Variants in RERGL observed in about 807,000 individuals in gnomAD.
RERGL encodes the protein ras-related and estrogen-regulated growth inhibitor-like protein.
Under a neutral mutation model 24.7 loss-of-function variants are expected in RERGL, and 22 were observed. The ratio of observed to expected loss-of-function variants is 0.89; its 90% confidence interval spans 0.64 to 1.27. The LOEUF is 1.27. RERGL is among the 50% of genes most tolerant of loss of function. The pLI is 0.00. For synonymous variants in RERGL, 76 were observed against 82.6 expected (o/e 0.92, Z 0.43); for missense variants, 259 against 235.3 (o/e 1.10, Z -0.66).
chr12:18,089,310 T>C (rs1173440110), intron 1 of RERGL: 3 of 1,584,664 alleles, frequency 1.9e-6, no homozygotes, highest in Admixed American at 3.6e-5. Context: ...TCAAACTCAG[T>C]CTGGCTTCAA....
At chr12:18,084,922 T>C (rs542469177) in intron 3 of RERGL, among the ~76,000 whole-genome samples, 1 of 152,314 alleles carries the variant, frequency 6.6e-6, no homozygotes, top group East Asian at 1.9e-4. Context: ...ATCTCCACTT[T>C]TTCAGAAAAT....
At chr12:18,081,772 C>T (rs931714612) in intron 4 of RERGL, among the ~76,000 whole-genome samples, 2 of 152,046 alleles carry the variant, frequency 1.3e-5, no homozygotes, top group African/African-American at 2.4e-5. Flanking sequence ...ATGATTGTTA[C>T]CTTTTCCACT....
intron 2 of RERGL, among the ~76,000 whole-genome samples, chr12:18,088,554 A>AT (rs1413382322): frequency 1.3e-5 from 2 of 151,938 alleles, no homozygotes; most frequent in South Asian, 2.1e-4. Context: ...ATTTTCTCTT[A>AT]TTTTTTAAAG....
At chr12:18,081,547 A>G in intron 4 of RERGL, 74 bp from the exon 5 acceptor site, 1 of 1,226,308 alleles carries the variant, frequency 8.2e-7, no homozygotes, top group Non-Finnish European at 1.1e-6. Context: ...AAAAAAACAG[A>G]TTTATAACCA....
chr12:18,089,449 T>G, intron 1 of RERGL: 3 of 1,162,298 alleles, frequency 2.6e-6, no homozygotes, highest in Non-Finnish European at 3.4e-6. Context: ...AGCTCCTGGG[T>G]TTGGCCAGTT....
intron 4 of RERGL, among the ~76,000 whole-genome samples, chr12:18,082,819 G>A (rs1189501320): frequency 6.6e-6 from 1 of 152,140 alleles, no homozygotes; most frequent in Non-Finnish European, 1.5e-5. Context: ...TCATGGACTT[G>A]TCCAACTCTC....
chr12:18,083,705 T>A (rs905398337), intron 4 of RERGL, among the ~76,000 whole-genome samples: 2 of 152,132 alleles, frequency 1.3e-5, no homozygotes, highest in Non-Finnish European at 2.9e-5. Context: ...AAAATAGTTA[T>A]TAAAAGTACA....
chr12:18,081,526 TTAAAA>T, intron 4 of RERGL, 53 bp from the exon 5 acceptor site: 4 of 1,011,762 alleles, frequency 4.0e-6, no homozygotes, highest in Non-Finnish European at 4.0e-6. Flanking sequence ...ACTCTTTTTT[TTAAAA>T]AAAAAAAAAA....
Position 18,081,141 on chromosome 12 carries a change from G to A in RERGL, c.*50C>T, listed in dbSNP as rs1242350435. 2.0e-6 allele frequency: 3 copies of A among 1,495,434 alleles called. No homozygotes were observed. Among genetic ancestry groups the A allele is most frequent in the Non-Finnish European group, 2.7e-6 (3 of 1,109,286 alleles). 92.6% of individuals were successfully genotyped at this position (1,495,434 alleles called of 1,614,324 possible). On this transcript the variant is annotated 3_prime_UTR_variant, in exon 5 of 5. Transcript: ENST00000538724. ...ACAAAGGTTAGTTTAATTATCATGT[G>A]AATGTTTGAAACTCTCTGATATAGG...
Position 18,081,283 on chromosome 12 carries a change from A to G in RERGL, c.523T>C (p.Phe175Leu). The G allele has an allele frequency of 6.2e-7, 1 of 1,613,634 alleles. No individual in the cohort carries two copies. Among genetic ancestry groups the G allele is most frequent in the Admixed American group, 1.7e-5 (1 of 60,014 alleles). The change falls in exon 5 of 5, where the codon TTC becomes CTC. Residue 175 changes from phenylalanine (F) to leucine (L), a missense_variant. Transcript: ENST00000538724. ...IRIIKDILINFKLKEKRRPSG... is the reference protein window; with the variant it reads ...IRIIKDILINLKLKEKRRPSG... Reference sequence around the variant, plus strand: ...GGACGTCTCTTTTCTTTGAGTTTGAAGTTTATCAGGATGTCCTTGATAATT... The same window carrying G: ...GGACGTCTCTTTTCTTTGAGTTTGAGGTTTATCAGGATGTCCTTGATAATT...
chr12:18,081,062 A>C lies in RERGL; in HGVS notation c.*129T>G. ...ATTTGAAAACACAGCTGTGGTTCAT[A>C]CTCAATCATTTCATATCTCCAAGAG... On this transcript the variant is annotated 3_prime_UTR_variant, in exon 5 of 5. Coordinates refer to ENST00000538724, the MANE Select transcript of RERGL (RefSeq NM_001286201.2). The C allele has an allele frequency of 1.2e-6, 1 of 831,736 alleles. No individual in the cohort carries two copies. Among genetic ancestry groups the C allele is most frequent in the Non-Finnish European group, 1.8e-6 (1 of 550,522 alleles). The allele number at this position is 831,736 out of a possible 1,614,324, so 51.5% of individuals were successfully genotyped here. A position where few individuals can be genotyped will look rare whatever the true frequency, so the allele number is the denominator to read the frequency against.
chr12:18,088,660 T>C (rs1292340959), intron 2 of RERGL, among the ~76,000 whole-genome samples: 1 of 152,142 alleles, frequency 6.6e-6, no homozygotes, highest in Non-Finnish European at 1.5e-5. Context: ...TTAATGTTTT[T>C]CCAGTTCCAG....
intron 1 of RERGL, chr12:18,089,240 G>A (rs533302340): frequency 1.2e-6 from 2 of 1,608,128 alleles, no homozygotes; most frequent in Non-Finnish European, 1.7e-6. Flanking sequence ...TTTTGTAACA[G>A]AAACAGATTT....
intron 1 of RERGL, chr12:18,089,477 T>C: frequency 1.3e-6 from 1 of 782,318 alleles, no homozygotes. Context: ...TATGATTCTT[T>C]AGGCTCAAGT....
chr12:18,090,069 GAGA>G lies in RERGL; in HGVS notation c.52+17_52+19del, dbSNP rs756242231. ...ACTCTTTCTACACTCTATGATAACA[GAGA>G]AGATGTCACCACTCACCAGATTTGC... On this transcript the variant is annotated intron_variant, in intron 1 of 4. Coordinates refer to ENST00000538724, the MANE Select transcript of RERGL (RefSeq NM_001286201.2). The G allele has an allele frequency of 5.7e-5, 87 of 1,524,842 alleles. No individual in the cohort carries two copies. The African/African-American group carries it at 1.1e-3, about 20-fold the overall frequency. The allele number at this position is 1,524,842 out of a possible 1,614,324, so 94.5% of individuals were successfully genotyped here. A position where few individuals can be genotyped will look rare whatever the true frequency, so the allele number is the denominator to read the frequency against.
chr12:18,081,639 A>G (rs1389664632), intron 4 of RERGL, among the ~76,000 whole-genome samples, 166 bp from the exon 5 acceptor site: 2 of 152,110 alleles, frequency 1.3e-5, no homozygotes, highest in African/African-American at 2.4e-5. Flanking sequence ...CATAGCCCCA[A>G]TTACTTAAAA....
chr12:18,081,939 G>A (rs1012293935), intron 4 of RERGL, among the ~76,000 whole-genome samples: 2 of 152,154 alleles, frequency 1.3e-5, no homozygotes, highest in African/African-American at 4.8e-5. Context: ...AGGAGATCGA[G>A]ACCATCCTGG....
chr12:18,087,887 A>G (rs16913781), intron 2 of RERGL, among the ~76,000 whole-genome samples: 2,867 of 152,180 alleles, frequency 0.019, 95 homozygotes, highest in African/African-American at 0.066. Context: ...TCAACTTTCT[A>G]TAATCAGCTT....
chr12:18,084,368 A>C (rs1202474426), intron 4 of RERGL, 149 bp downstream of exon 4: 3 of 590,802 alleles, frequency 5.1e-6, no homozygotes, highest in African/African-American at 3.8e-5. Flanking sequence ...TTTTTACTAC[A>C]TGTGTAACTC....
Sources: allele counts gnomAD v4.1 joint callset (sites outside exome capture counted in the v4.1 genomes callset), GRCh38; gene constraint gnomAD v4.1.1; transcripts MANE v1.5; gene names NCBI Gene and HGNC (gene_info 2026-07-23, HGNC 2026-07-21).